The following GRM8 variants were observed in gnomAD, a reference collection of about 807,000 sequenced individuals.
GRM8 encodes metabotropic glutamate receptor 8.
A neutral mutation model predicts 87.2 loss-of-function variants in GRM8; 47 were observed. The ratio of observed to expected loss-of-function variants is 0.54; its 90% CI spans 0.43 to 0.69. GRM8 has a LOEUF of 0.69. GRM8 is among the 30% of genes least tolerant of loss of function. The probability of loss-of-function intolerance (pLI) is 0.00; values close to 1 mark genes in which losing one functional copy is unlikely to be tolerated. For missense variants in GRM8, 1,019 were observed against 1,139.2 expected, an observed-to-expected ratio of 0.89 and a Z score of 1.52; for synonymous variants, 396 against 404.5, an observed-to-expected ratio of 0.98 and a Z score of 0.25.
chr7:126,743,086 C>T (rs560079817), intron 7 of GRM8, among the ~76,000 whole-genome samples: 1 of 152,188 alleles, frequency 6.6e-6, no homozygotes, highest in Admixed American at 6.6e-5. Context: ...TGGTACCTCC[C>T]CTAATGGCTT....
rs1351871258 is a variant in GRM8 at position 126,740,041 on chromosome 7, C to T, written c.1357+29824G>A. ...CACATTTCTCAGAACATGCCCCCAACGTTAAGTGACACATGACTGTATCAA... is the reference window on the plus strand; with the variant it reads ...CACATTTCTCAGAACATGCCCCCAATGTTAAGTGACACATGACTGTATCAA... On this transcript the variant is annotated intron_variant, in intron 7 of 10. Transcript: ENST00000339582. 4.6e-5 allele frequency among the ~76,000 whole-genome samples: 7 copies of T among 152,148 alleles called. No individual in the cohort carries two copies. The East Asian group carries it at 1.2e-3, about 25-fold the overall frequency.
At chr7:126,616,899 A>C (rs910881766) in intron 7 of GRM8, among the ~76,000 whole-genome samples, 2 of 152,174 alleles carry the variant, frequency 1.3e-5, no homozygotes, top group Non-Finnish European at 2.9e-5. Flanking sequence ...CTACCAACCA[A>C]AAAAAGTCCA....
chr7:126,756,839 A>T (rs1817062374), intron 7 of GRM8, among the ~76,000 whole-genome samples: 1 of 152,104 alleles, frequency 6.6e-6, no homozygotes, highest in South Asian at 2.1e-4. Context: ...ACTCCTATAC[A>T]TTCCACTCAA....
chr7:126,618,508 A>G (rs547190278), intron 7 of GRM8, among the ~76,000 whole-genome samples: 33 of 152,344 alleles, frequency 2.2e-4, no homozygotes, highest in Admixed American at 1.2e-3. Context: ...AATGGCAACA[A>G]AAGTCAAAAT....
intron 3 of GRM8, among the ~76,000 whole-genome samples, chr7:127,015,978 T>G (rs1815628811): frequency 6.6e-6 from 1 of 152,126 alleles, no homozygotes; most frequent in South Asian, 2.1e-4. Context: ...GGGCATATTT[T>G]TAAAAATTCC....
chr7:127,055,668 T>C (rs1419443), intron 3 of GRM8, among the ~76,000 whole-genome samples: 115,389 of 151,794 alleles, frequency 0.76, 44,531 homozygotes, highest in African/African-American at 0.88. Flanking sequence ...TATTTATATA[T>C]ACACACACAC....
intron 7 of GRM8, among the ~76,000 whole-genome samples, chr7:126,766,221 CA>C (rs10716075): frequency 0.049 from 7,377 of 152,064 alleles, 615 homozygotes; most frequent in African/African-American, 0.17. Flanking sequence ...TTTTAAGAAA[CA>C]AACAGTTCTC....
rs548854695 is a variant in GRM8 at position 127,184,645 on chromosome 7, G to C, written c.510+58050C>G. ...CTGGAAGTCCTAATTAAATACATAA[G>C]ACAAGAAAAGGAAATAAAAGGTATA... On this transcript the variant is annotated intron_variant, in intron 2 of 10. Transcript: ENST00000339582. Among the ~76,000 whole-genome samples the C allele has an allele frequency of 7.9e-5, 12 of 151,892 alleles. No individual in the cohort carries two copies. In the East Asian group the frequency reaches 1.4e-3, roughly 17 times the overall value.
chr7:127,047,383 C>G (rs1819034536), intron 3 of GRM8, among the ~76,000 whole-genome samples: 1 of 152,142 alleles, frequency 6.6e-6, no homozygotes, highest in Non-Finnish European at 1.5e-5. Flanking sequence ...GGAAAGGAGG[C>G]CAAAGAGTTT....
At chr7:126,621,922 G>A (rs574989329) in intron 7 of GRM8, among the ~76,000 whole-genome samples, 73 of 151,792 alleles carry the variant, frequency 4.8e-4, no homozygotes, top group Non-Finnish European at 6.2e-4. Context: ...ACACTGCTTC[G>A]CTCCCATGAT....
chr7:126,762,528 G>T (rs1817685616), intron 7 of GRM8, among the ~76,000 whole-genome samples: 1 of 152,094 alleles, frequency 6.6e-6, no homozygotes, highest in Non-Finnish European at 1.5e-5. Context: ...ATGGACAGAA[G>T]AGCTAAGTAT....
intron 2 of GRM8, among the ~76,000 whole-genome samples, chr7:127,133,721 A>AT (rs1827811920): frequency 7.0e-6 from 1 of 143,102 alleles, no homozygotes; most frequent in South Asian, 2.1e-4. Context: ...AAAAAAAAAA[A>AT]AAAAAAAATT....
At chr7:126,589,879 A>T (rs1796516360) in intron 8 of GRM8, among the ~76,000 whole-genome samples, 1 of 152,138 alleles carries the variant, frequency 6.6e-6, no homozygotes, top group Non-Finnish European at 1.5e-5. Flanking sequence ...GTCTGAACAG[A>T]AGCCCTTGAG....
At chr7:126,711,519 T>G (rs868239068) in intron 7 of GRM8, among the ~76,000 whole-genome samples, 1 of 152,202 alleles carries the variant, frequency 6.6e-6, no homozygotes, top group Middle Eastern at 3.2e-3. Flanking sequence ...GAATAGTCAA[T>G]GAGCATTGGC....
intron 8 of GRM8, among the ~76,000 whole-genome samples, chr7:126,580,967 G>A (rs10251957): frequency 0.021 from 3,113 of 150,356 alleles, 120 homozygotes; most frequent in African/African-American, 0.072. Context: ...TAAAAAAATA[G>A]AAAAAAAAAC....
intron 8 of GRM8, among the ~76,000 whole-genome samples, chr7:126,548,006 C>T (rs11763805): frequency 0.13 from 20,059 of 151,838 alleles, 1,678 homozygotes; most frequent in Admixed American, 0.2. Context: ...GATGTGAATC[C>T]ACCACAAAAA....
chr7:126,660,641 TA>T (rs1194884421), intron 7 of GRM8, among the ~76,000 whole-genome samples: 2 of 152,226 alleles, frequency 1.3e-5, no homozygotes, highest in Non-Finnish European at 2.9e-5. Flanking sequence ...ACTACAATAT[TA>T]AAATCAGTAT....
chr7:127,139,895 C>T (rs1197361737), intron 2 of GRM8, among the ~76,000 whole-genome samples: 4 of 152,230 alleles, frequency 2.6e-5, no homozygotes, highest in Middle Eastern at 3.4e-3. Context: ...AGCTAGGTCA[C>T]AACTGGCGAC....
chr7:126,653,690 T>C (rs1331083542), intron 7 of GRM8, among the ~76,000 whole-genome samples: 2 of 152,176 alleles, frequency 1.3e-5, no homozygotes, highest in Non-Finnish European at 1.5e-5. Context: ...CAAATAAAAA[T>C]AATAGTCCAG....
Sources: allele counts gnomAD v4.1 joint callset (sites outside exome capture counted in the v4.1 genomes callset), GRCh38; gene constraint gnomAD v4.1.1; transcripts MANE v1.5; gene names NCBI Gene and HGNC (gene_info 2026-07-23, HGNC 2026-07-21).